The following SVOPL variants were observed in gnomAD, a reference collection of about 807,000 sequenced individuals.
SVOPL encodes SVOP like, also known as putative transporter SVOPL.
SVOPL carries 60 observed loss-of-function variants against 61.0 expected under a neutral mutation model. The ratio of observed to expected loss-of-function variants is 0.98; its 90% CI spans 0.80 to 1.22. SVOPL has a LOEUF of 1.22. Among genes scored for constraint, SVOPL ranks in the 50% most tolerant of loss-of-function variants. The pLI, the probability that SVOPL is intolerant of heterozygous loss-of-function variation, is 0.00. For missense variants in SVOPL, 662 were observed against 643.9 expected (o/e 1.03, Z -0.30); for synonymous variants, 279 against 250.0 (o/e 1.12, Z -1.09).
intron 9 of SVOPL, 146 bp downstream of exon 9, chr7:138,644,571 G>A (rs1800996631): frequency 1.7e-6 from 2 of 1,174,316 alleles, no homozygotes. Flanking sequence ...GAAAATGAAT[G>A]TAGCCTCACA....
At chr7:138,655,071 T>G (rs1490713389) in intron 7 of SVOPL, among the ~76,000 whole-genome samples, 1 of 151,500 alleles carries the variant, frequency 6.6e-6, no homozygotes, top group Non-Finnish European at 1.5e-5. Context: ...GCACCTGTAA[T>G]CCCAGTTACT....
At chr7:138,697,782 G>T (rs1293462054) in intron 1 of SVOPL, among the ~76,000 whole-genome samples, 4 of 150,906 alleles carry the variant, frequency 2.7e-5, no homozygotes, top group African/African-American at 9.7e-5. Flanking sequence ...AGGAGGAGGA[G>T]AAGGAGAAGA....
At chr7:138,666,793 G>A (rs560429804) in intron 4 of SVOPL, among the ~76,000 whole-genome samples, 5 of 152,124 alleles carry the variant, frequency 3.3e-5, no homozygotes, top group Non-Finnish European at 1.5e-5. Flanking sequence ...TGTTACAAAC[G>A]AGCTTACCTA....
At chr7:138,614,327 G>A (rs1238083804) in intron 14 of SVOPL, among the ~76,000 whole-genome samples, 2 of 151,696 alleles carry the variant, frequency 1.3e-5, no homozygotes, top group East Asian at 3.9e-4. Flanking sequence ...AAAAAGCAGA[G>A]AAGACAAGCA....
intron 5 of SVOPL, chr7:138,660,885 T>G: frequency 1.0e-6 from 1 of 985,348 alleles, no homozygotes; most frequent in Non-Finnish European, 1.2e-6. Context: ...AAATGTCCAT[T>G]TCAACGGTGC....
In SVOPL at chr7:138,652,710, C is replaced by T. The variant is rs535561073; in HGVS notation, c.535-3573G>A. On this transcript the variant is annotated intron_variant, in intron 7 of 15. Coordinates refer to ENST00000674285, the MANE Select transcript of SVOPL (RefSeq NM_001139456.2). The stretch of plus-strand genomic sequence containing the variant: ...AGCTTGGCTCACTGCATGCAACCTC[C>T]GCCTCCCAGGTTCAAGTGATGCTCC... 7.2e-5 allele frequency among the ~76,000 whole-genome samples: 11 copies of T among 151,956 alleles called. No individual in the cohort carries two copies. In the South Asian group the frequency reaches 1.7e-3, roughly 23 times the overall value.
At chr7:138,697,566 C>T (rs1803089471) in intron 1 of SVOPL, among the ~76,000 whole-genome samples, 1 of 143,870 alleles carries the variant, frequency 7.0e-6, no homozygotes, top group African/African-American at 2.6e-5. Context: ...CGTGATCATG[C>T]CACCCACTGC....
intron 1 of SVOPL, among the ~76,000 whole-genome samples, chr7:138,697,774 G>C (rs1803101745): frequency 6.6e-6 from 1 of 151,138 alleles, no homozygotes. Flanking sequence ...GAAGGAGAAG[G>C]AGGAGGAGAA....
At chr7:138,620,119 GTTTTGTTTT>G (rs1799490791) in intron 14 of SVOPL, among the ~76,000 whole-genome samples, 2 of 114,588 alleles carry the variant, frequency 1.7e-5, no homozygotes, top group Non-Finnish European at 3.7e-5. Flanking sequence ...TTTTTTTTCT[GTTTTGTTTT>G]TTTTTTTTTT....
chr7:138,606,929 G>A (rs527992483), intron 14 of SVOPL, among the ~76,000 whole-genome samples: 1 of 151,996 alleles, frequency 6.6e-6, no homozygotes, highest in South Asian at 2.1e-4. Context: ...ACTCCAGCCT[G>A]GGTGACAGAG....
At chr7:138,626,323 A>G (rs1799892190) in intron 12 of SVOPL, among the ~76,000 whole-genome samples, 1 of 152,138 alleles carries the variant, frequency 6.6e-6, no homozygotes, top group African/African-American at 2.4e-5. Context: ...CACACCTGTA[A>G]TCCCTGCAGT....
At chr7:138,636,605 G>C (rs528744706) in intron 9 of SVOPL, among the ~76,000 whole-genome samples, 20 of 151,944 alleles carry the variant, frequency 1.3e-4, no homozygotes, top group Non-Finnish European at 2.4e-4. Flanking sequence ...CAAGTAGCTG[G>C]GATTACAGGT....
At chr7:138,660,872 T>A in intron 5 of SVOPL, 1 of 985,320 alleles carries the variant, frequency 1.0e-6, no homozygotes, top group Non-Finnish European at 1.2e-6. Flanking sequence ...TTGCAAGTCA[T>A]GAAAATGTCC....
intron 4 of SVOPL, among the ~76,000 whole-genome samples, chr7:138,666,347 A>G (rs1802259831): frequency 6.6e-6 from 1 of 152,282 alleles, no homozygotes; most frequent in African/African-American, 2.4e-5. Context: ...AGAAGAAAAT[A>G]GAAAGCAATC....
At chr7:138,610,299 G>T (rs893764487) in intron 14 of SVOPL, among the ~76,000 whole-genome samples, 4 of 151,280 alleles carry the variant, frequency 2.6e-5, no homozygotes, top group Admixed American at 1.3e-4. Flanking sequence ...GAGAGAGAGA[G>T]TAAAAGAGCA....
chr7:138,621,822 G>GTATC (rs113136641), intron 13 of SVOPL, among the ~76,000 whole-genome samples: 571 of 13,408 alleles, frequency 0.043, 30 homozygotes, highest in African/African-American at 0.053. Flanking sequence ...ATGTATCTAT[G>GTATC]TATCTATGTA....
intron 1 of SVOPL, among the ~76,000 whole-genome samples, chr7:138,692,686 G>C (rs1802969487): frequency 6.6e-6 from 1 of 152,118 alleles, no homozygotes; most frequent in African/African-American, 2.4e-5. Flanking sequence ...TAGACCGCTA[G>C]AGAAATAAAT....
chr7:138,622,074 C>CTATCTATCTATG (rs1563096100), intron 13 of SVOPL, among the ~76,000 whole-genome samples: 2,972 of 24,550 alleles, frequency 0.12, 504 homozygotes, highest in Middle Eastern at 0.21. Flanking sequence ...ATCTATGTAT[C>CTATCTATCTATG]TATCTATCTA....
At chr7:138,608,708 C>A (rs1798864881) in intron 14 of SVOPL, among the ~76,000 whole-genome samples, 1 of 151,842 alleles carries the variant, frequency 6.6e-6, no homozygotes, top group African/African-American at 2.4e-5. Context: ...CTTGCCCTCT[C>A]AAAAAAGAAA....
Sources: allele counts gnomAD v4.1 joint callset (sites outside exome capture counted in the v4.1 genomes callset), GRCh38; gene constraint gnomAD v4.1.1; transcripts MANE v1.5; gene names NCBI Gene and HGNC (gene_info 2026-07-23, HGNC 2026-07-21).